Variants in SLC22A23 observed in about 807,000 individuals in gnomAD.
The protein encoded by SLC22A23 is solute carrier family 22 member 23.
SLC22A23 carries 26 observed loss-of-function variants against 61.0 expected under a neutral mutation model. The ratio of observed to expected loss-of-function variants is 0.43; its 90% CI spans 0.31 to 0.59. SLC22A23 has a LOEUF of 0.59. SLC22A23 is among the 20% of genes least tolerant of loss of function. SLC22A23 has a pLI of 0.11. For synonymous variants in SLC22A23, 430 were observed against 413.9 expected, an observed-to-expected ratio of 1.04 and a Z score of -0.47; for missense variants, 796 against 934.7, an observed-to-expected ratio of 0.85 and a Z score of 1.94.
intron 1 of SLC22A23, among the ~76,000 whole-genome samples, chr6:3,442,014 G>A (rs1157687735): frequency 1.3e-5 from 2 of 152,200 alleles, no homozygotes; most frequent in Non-Finnish European, 2.9e-5. Context: ...TAGCCAAGGG[G>A]TAGAGGCGAC....
rs1327293209 is a variant in SLC22A23 at position 3,308,401 on chromosome 6, C to T, written c.1083-10183G>A. Among the ~76,000 whole-genome samples, 1 of 152,188 alleles carries T rather than the reference C, an allele frequency of 6.6e-6. No homozygotes were observed. Among genetic ancestry groups the T allele is most frequent in the Non-Finnish European group, 1.5e-5 (1 of 68,034 alleles). On this transcript the variant is annotated intron_variant, in intron 4 of 9. Transcript: ENST00000406686. The surrounding 1 kb of genome is among the most constrained non-coding windows in gnomAD (Gnocchi z 5.1). ...CCTCTGCTATGACACACTGCCCCCA[C>T]ATCACAGTGAAAAATGCCAGTCTCA...
rs1251662106 is a variant in SLC22A23 at position 3,414,230 on chromosome 6, A to G, written c.758+1522T>C. ...TTTTTTTAGAAAGACAGTGACATGGATTATATTAGTATATTTTTCTAACCT... is the reference window on the plus strand; with the variant it reads ...TTTTTTTAGAAAGACAGTGACATGGGTTATATTAGTATATTTTTCTAACCT... On this transcript the variant is annotated intron_variant, in intron 2 of 9. Coordinates refer to ENST00000406686, the MANE Select transcript of SLC22A23 (RefSeq NM_015482.2). The surrounding 1 kb of genome is among the most constrained non-coding windows in gnomAD (Gnocchi z 5.1). Among the ~76,000 whole-genome samples the G allele has an allele frequency of 1.3e-5, 2 of 152,180 alleles. No homozygotes were observed. Among genetic ancestry groups the G allele is most frequent in the Non-Finnish European group, 2.9e-5 (2 of 68,032 alleles).
At chr6:3,313,100 C>T (rs1274901315) in intron 4 of SLC22A23, 1 of 152,222 alleles carries the variant, frequency 6.6e-6, no homozygotes, top group African/African-American at 2.4e-5. Context: ...TCCTTGCAGG[C>T]ATTTGTGTTG....
chr6:3,328,665 C>T lies in SLC22A23; in HGVS notation c.914-4663G>A, dbSNP rs927629811. 6.6e-6 allele frequency among the ~76,000 whole-genome samples: 1 copy of T among 152,126 alleles called. No homozygotes were observed. The highest frequency in any genetic ancestry group is 6.5e-5 in the Admixed American group (1 of 15,284). On this transcript the variant is annotated intron_variant, in intron 3 of 9. Transcript: ENST00000406686. The surrounding 1 kb of genome is among the most constrained non-coding windows in gnomAD (Gnocchi z 5.0). ...AAGATTCCACCTGTGGACGGCAGTG[C>T]CCGCCCCCATGCCCTGGAGTCCTGA...
chr6:3,433,564 G>C (rs1396864228), intron 1 of SLC22A23, among the ~76,000 whole-genome samples: 4 of 152,200 alleles, frequency 2.6e-5, no homozygotes, highest in Non-Finnish European at 5.9e-5. Flanking sequence ...TATTAGAACA[G>C]AGGGGTAGCC....
intron 5 of SLC22A23, chr6:3,291,934 C>G (rs975939981): frequency 6.6e-6 from 1 of 152,198 alleles, no homozygotes; most frequent in African/African-American, 2.4e-5. Context: ...GCAATAACAA[C>G]TGCATTATGA....
intron 1 of SLC22A23, among the ~76,000 whole-genome samples, chr6:3,435,283 C>T (rs749394562): frequency 6.6e-6 from 1 of 151,466 alleles, no homozygotes; most frequent in Non-Finnish European, 1.5e-5. Flanking sequence ...ACTCTTCCTC[C>T]CCTCCCTTCC....
At position 3,432,338 on chromosome 6, in the gene SLC22A23, C is replaced by G. The variant is rs1038536815; in HGVS notation, c.655-16483G>C. 1.1e-5 allele frequency: 11 copies of G among 985,328 alleles called. No individual in the cohort carries two copies. In the South Asian group the frequency reaches 1.4e-4, roughly 13 times the overall value. 61.0% of individuals were successfully genotyped at this position (985,328 alleles called of 1,614,324 possible). A position where few individuals can be genotyped will look rare whatever the true frequency, so the allele number is the denominator to read the frequency against. ...GGCTGGCTGTGAGACTTTGAAGAAG[C>G]CTAAGTTTAAAATAAATGTTTAATG... On this transcript the variant is annotated intron_variant, in intron 1 of 9. Coordinates refer to ENST00000406686, the MANE Select transcript of SLC22A23 (RefSeq NM_015482.2).
intron 4 of SLC22A23, among the ~76,000 whole-genome samples, chr6:3,302,234 T>G (rs1561882134): frequency 6.6e-6 from 1 of 152,216 alleles, no homozygotes; most frequent in Admixed American, 6.5e-5. Context: ...TAGGTATTCA[T>G]AGTAGTCTCT....
In SLC22A23 at chr6:3,273,011, C is replaced by G; in HGVS notation, c.*44G>C. 6.7e-7 allele frequency: 1 copy of G among 1,487,612 alleles called. No individual in the cohort carries two copies. Among genetic ancestry groups the G allele is most frequent in the Non-Finnish European group, 8.9e-7 (1 of 1,119,746 alleles). The allele number at this position is 1,487,612 out of a possible 1,614,324, so 92.2% of individuals were successfully genotyped here. Reference sequence around the variant, plus strand: ...CGGTCCCTGGTCTGTAAACCTGTGCCCAAGCTGCCCCAGACCCTGGAGCCC... The same window carrying G: ...CGGTCCCTGGTCTGTAAACCTGTGCGCAAGCTGCCCCAGACCCTGGAGCCC... On this transcript the variant is annotated 3_prime_UTR_variant, in exon 10 of 10. Coordinates refer to ENST00000406686, the MANE Select transcript of SLC22A23 (RefSeq NM_015482.2).
chr6:3,272,351 A>G lies in SLC22A23; in HGVS notation c.*704T>C, dbSNP rs1246059791. 1 of 152,732 alleles carries G rather than the reference A, an allele frequency of 6.5e-6. No individual in the cohort carries two copies. Among genetic ancestry groups the G allele is most frequent in the Non-Finnish European group, 1.5e-5 (1 of 68,046 alleles). 9.5% of individuals were successfully genotyped at this position (152,732 alleles called of 1,614,324 possible). The stretch of plus-strand genomic sequence containing the variant: ...GTGGCGATATGACTGCTGCTCAATT[A>G]AGATTTCTGGTGAAATGTTTAAGCT... On this transcript the variant is annotated 3_prime_UTR_variant, in exon 10 of 10. Transcript: ENST00000406686.
At chr6:3,399,853 T>G (rs1048866777) in intron 3 of SLC22A23, among the ~76,000 whole-genome samples, 1 of 151,292 alleles carries the variant, frequency 6.6e-6, no homozygotes, top group African/African-American at 2.4e-5. Context: ...CCTGAAGTGG[T>G]TAAGACTTTC....
intron 5 of SLC22A23, among the ~76,000 whole-genome samples, chr6:3,292,573 C>A (rs1016058768): frequency 6.6e-6 from 1 of 152,214 alleles, no homozygotes; most frequent in Non-Finnish European, 1.5e-5. Flanking sequence ...CCACGTCGAG[C>A]CGACTGAATT....
chr6:3,323,551 G>C (rs1763091956), intron 4 of SLC22A23: 2 of 515,510 alleles, frequency 3.9e-6, no homozygotes, highest in Non-Finnish European at 7.0e-6. Context: ...CCGTGGGGTG[G>C]GTAGCAAGAA....
In SLC22A23 at chr6:3,323,123, T is replaced by C. The variant is rs1561897553; in HGVS notation, c.1082+711A>G. ...AGTGTGTTTAGTGTTCCCCCCGTAC[T>C]GCCGGCAAAGCTAGCAGGTCAAAAG... On this transcript the variant is annotated intron_variant, in intron 4 of 9. Transcript: ENST00000406686. The C allele has an allele frequency of 1.0e-5, 4 of 395,672 alleles. No individual in the cohort carries two copies. In the East Asian group the frequency reaches 2.2e-4, roughly 21 times the overall value. 24.5% of individuals were successfully genotyped at this position (395,672 alleles called of 1,614,324 possible).
At chr6:3,357,097 C>T (rs1453991790) in intron 3 of SLC22A23, among the ~76,000 whole-genome samples, 1 of 145,722 alleles carries the variant, frequency 6.9e-6, no homozygotes, top group Non-Finnish European at 1.5e-5. Flanking sequence ...CAAAACAAGG[C>T]AGGCACTGTA....
chr6:3,290,363 C>T (rs1464920028), intron 5 of SLC22A23: 1 of 202,002 alleles, frequency 5.0e-6, no homozygotes, highest in Non-Finnish European at 1.0e-5. Flanking sequence ...TGGGGTGGAA[C>T]TATGGCTGTA....
intron 4 of SLC22A23, 68 bp from the exon 5 acceptor site, chr6:3,298,286 GGT>G: frequency 6.6e-7 from 1 of 1,526,424 alleles, no homozygotes; most frequent in Admixed American, 2.2e-5. Context: ...GTGTGGCTTA[GGT>G]GTGGCCCGGG....
In SLC22A23 at chr6:3,456,292, C is replaced by T. The variant is rs1269125593; in HGVS notation, c.268G>A (p.Gly90Ser). The T allele has an allele frequency of 6.4e-7, 1 of 1,551,212 alleles. No individual in the cohort carries two copies. ...GTCTTCTGATAGCCCCCGCCCAGGC[C>T]CCCGAGGAAGGGCAGCACCGACCCG... ...YDGSVLPFLG[G>S]LGGGYQKTLV... Residue 90 changes from glycine to serine, a missense_variant, in exon 1 of 10, where the codon GGC (glycine) becomes AGC (serine). Coordinates refer to ENST00000406686, the MANE Select transcript of SLC22A23 (RefSeq NM_015482.2). This position sits in a 1 kb window ranked among gnomAD's most constrained non-coding sequence, Gnocchi z 7.1.
Sources: gnomAD v4.1 joint callset for allele counts (sites outside exome capture counted in the v4.1 genomes callset) on GRCh38, gnomAD v4.1.1 for gene constraint, Gnocchi (gnomAD v3.1) non-coding constraint, MANE v1.5 for transcripts, NCBI Gene and HGNC (gene_info 2026-07-23, HGNC 2026-07-21) for gene names.